Variants in KCNAB2 observed in about 807,000 individuals in gnomAD.
The protein encoded by KCNAB2 is potassium voltage-gated channel subfamily A regulatory beta subunit 2.
KCNAB2 carries 29 observed loss-of-function variants against 63.6 expected under a neutral mutation model. The observed-to-expected ratio is 0.46, with a 90% CI of 0.34 to 0.62. KCNAB2 has a LOEUF of 0.62. Among genes scored for constraint, KCNAB2 ranks in the 20% least tolerant of loss-of-function variants. The probability of loss-of-function intolerance (pLI) is 0.01; values close to 1 mark genes in which losing one functional copy is unlikely to be tolerated. For missense variants in KCNAB2, 359 were observed against 563.9 expected (o/e 0.64, Z 3.68); for synonymous variants, 222 against 224.2 (o/e 0.99, Z 0.09).
chr1:6,058,373 C>T lies in KCNAB2; in HGVS notation c.218+6619C>T, dbSNP rs530752738. On this transcript the variant is annotated intron_variant, in intron 2 of 15. Coordinates refer to ENST00000378083, the MANE Select transcript of KCNAB2 (RefSeq NM_001199862.2). ...AACACCTTGAGCCTGCGGGGACATC[C>T]CTGAGTGTCCTGGGAGGAACCCGGG... Among the ~76,000 whole-genome samples, 3 of 152,338 alleles carry T rather than the reference C, an allele frequency of 2.0e-5. No individual in the cohort carries two copies. In the South Asian group the frequency reaches 6.2e-4, roughly 32 times the overall value.
chr1:6,090,619 AG>A (rs1032776892), intron 9 of KCNAB2, 144 bp downstream of exon 9: 5 of 610,988 alleles, frequency 8.2e-6, no homozygotes, highest in African/African-American at 7.5e-5. Context: ...GTGGGGGGCG[AG>A]GGGGCAGGCC....
intron 1 of KCNAB2, among the ~76,000 whole-genome samples, chr1:6,011,177 GAGGAC>G (rs1658122849): frequency 6.6e-6 from 1 of 151,894 alleles, no homozygotes; most frequent in African/African-American, 2.4e-5. Flanking sequence ...CAGCAGGAGT[GAGGAC>G]AGGAGCTGCC....
chr1:6,052,847 T>C (rs1265950186), intron 2 of KCNAB2, among the ~76,000 whole-genome samples: 1 of 152,156 alleles, frequency 6.6e-6, no homozygotes, highest in Non-Finnish European at 1.5e-5. Context: ...GTCATACTTA[T>C]ACTAAAAAGT....
intron 1 of KCNAB2, among the ~76,000 whole-genome samples, chr1:6,008,446 C>T (rs1012712323): frequency 6.6e-6 from 1 of 152,098 alleles, no homozygotes; most frequent in Non-Finnish European, 1.5e-5. Flanking sequence ...CACGGTGAAA[C>T]CCCGTCTCTA....
At chr1:6,029,529 ACACCCAGAC>A, upstream of KCNAB2, among the ~76,000 whole-genome samples, 1 of 152,316 alleles carries the variant, frequency 6.6e-6, no homozygotes, top group Non-Finnish European at 1.5e-5. Flanking sequence ...CCCAGGAGTC[ACACCCAGAC>A]CTGGGGCCAG....
chr1:6,002,663 T>A (rs1657322220), intron 1 of KCNAB2, among the ~76,000 whole-genome samples: 1 of 152,122 alleles, frequency 6.6e-6, no homozygotes, highest in Non-Finnish European at 1.5e-5. Context: ...CACGTCCCCA[T>A]CAGGTGTTCC....
rs1046941980 is a variant in KCNAB2, at chr1:6,086,583, C to A, written c.426-884C>A. Among the ~76,000 whole-genome samples the A allele has an allele frequency of 6.6e-6, 1 of 152,124 alleles. No homozygotes were observed. Among genetic ancestry groups the A allele is most frequent in the East Asian group, 1.9e-4 (1 of 5,172 alleles). On this transcript the variant is annotated intron_variant, in intron 6 of 15. Transcript: ENST00000378083. The surrounding 1 kb of genome is among the most constrained non-coding windows in gnomAD (Gnocchi z 4.2). ...TGGGGCACCAGGAGGTCATTGTCAC[C>A]CCCTGGGTGGGAAGTACTCCCTCCT...
chr1:6,094,514 C>T, intron 11 of KCNAB2, 29 bp downstream of exon 11: 1 of 1,576,116 alleles, frequency 6.3e-7, no homozygotes, highest in Non-Finnish European at 8.7e-7. Flanking sequence ...ATGTGTGTGT[C>T]CAGGCACAGA....
At chr1:6,093,502 TG>T (rs1665361988) in intron 10 of KCNAB2, among the ~76,000 whole-genome samples, 2 of 152,252 alleles carry the variant, frequency 1.3e-5, no homozygotes. Flanking sequence ...ACTGTGTCGC[TG>T]GGGCGAGGGT....
At chr1:6,014,580 G>A (rs963415042) in intron 1 of KCNAB2, among the ~76,000 whole-genome samples, 1 of 152,220 alleles carries the variant, frequency 6.6e-6, no homozygotes, top group African/African-American at 2.4e-5. Context: ...TCGGCCAGCT[G>A]TCCTCGGCTC....
At chr1:6,021,912 A>C (rs548987537) in intron 1 of KCNAB2, among the ~76,000 whole-genome samples, 2 of 139,988 alleles carry the variant, frequency 1.4e-5, no homozygotes, top group African/African-American at 2.7e-5. Context: ...ATTGAGGGTA[A>C]AGTGCAGTGG....
chr1:6,066,453 C>T (rs972705698), intron 2 of KCNAB2, among the ~76,000 whole-genome samples: 2 of 152,240 alleles, frequency 1.3e-5, no homozygotes, highest in Non-Finnish European at 2.9e-5. Context: ...TGAGAAACAG[C>T]GTGGAGAATC....
intron 4 of KCNAB2, among the ~76,000 whole-genome samples, chr1:6,077,912 C>T (rs1202426070): frequency 2.0e-5 from 3 of 152,232 alleles, no homozygotes; most frequent in Admixed American, 2.0e-4. Flanking sequence ...CCTGTGGCTG[C>T]TGTAACAAAT....
At chr1:6,036,222 G>A (rs1660026698) in intron 1 of KCNAB2, among the ~76,000 whole-genome samples, 1 of 152,224 alleles carries the variant, frequency 6.6e-6, no homozygotes, top group African/African-American at 2.4e-5. Flanking sequence ...GCTTTTTTAG[G>A]CCGAGTGAGG....
intron 2 of KCNAB2, among the ~76,000 whole-genome samples, chr1:6,054,585 G>C (rs1304271587): frequency 6.6e-6 from 1 of 152,180 alleles, no homozygotes; most frequent in Non-Finnish European, 1.5e-5. Context: ...AGCCAAGATG[G>C]AACAAAAGTA....
chr1:6,094,204 G>C (rs1665425299), intron 10 of KCNAB2, among the ~76,000 whole-genome samples, 196 bp from the exon 11 acceptor site: 1 of 152,116 alleles, frequency 6.6e-6, no homozygotes, highest in Non-Finnish European at 1.5e-5. Flanking sequence ...TTCTAGGATT[G>C]TGGTTCACTT....
chr1:6,096,862 G>A lies in KCNAB2; in HGVS notation c.1069+106G>A. ...CATGGGGCCAGTGTCTCCGGGGAGAGAGGGAAGGGATCCCTGGACATCATC... is the reference window on the plus strand; with the variant it reads ...CATGGGGCCAGTGTCTCCGGGGAGAAAGGGAAGGGATCCCTGGACATCATC... On this transcript the variant is annotated intron_variant, in intron 14 of 15. Coordinates refer to ENST00000378083, the MANE Select transcript of KCNAB2 (RefSeq NM_001199862.2). The surrounding 1 kb of genome is among the most constrained non-coding windows in gnomAD (Gnocchi z 5.9). 1.5e-6 allele frequency: 2 copies of A among 1,353,150 alleles called. No homozygotes were observed. Among genetic ancestry groups the A allele is most frequent in the Non-Finnish European group, 2.0e-6 (2 of 1,017,496 alleles). 83.8% of individuals were successfully genotyped at this position (1,353,150 alleles called of 1,614,324 possible).
chr1:6,035,251 C>T lies in KCNAB2; in HGVS notation c.-53+457C>T, dbSNP rs1352178035. ...AGGGGCCAGTGTGTGAGGGGCTCAG[C>T]GGGGGATGTGGCTAGAAAGGTTGTG... On this transcript the variant is annotated intron_variant, in intron 1 of 15. Transcript: ENST00000164247. The surrounding 1 kb of genome is among the most constrained non-coding windows in gnomAD (Gnocchi z 5.0). Among the ~76,000 whole-genome samples the T allele has an allele frequency of 6.6e-6, 1 of 151,990 alleles. No individual in the cohort carries two copies. Among genetic ancestry groups the T allele is most frequent in the Non-Finnish European group, 1.5e-5 (1 of 68,006 alleles).
chr1:6,030,776 ATGTGTGTG>A (rs946734210), upstream of KCNAB2, among the ~76,000 whole-genome samples: 2 of 133,072 alleles, frequency 1.5e-5, no homozygotes, highest in African/African-American at 5.6e-5. Flanking sequence ...GTGTGTAGAT[ATGTGTGTG>A]TATGTGTGTA....
Sources: gnomAD v4.1 joint callset for allele counts (sites outside exome capture counted in the v4.1 genomes callset) on GRCh38, gnomAD v4.1.1 for gene constraint, Gnocchi (gnomAD v3.1) non-coding constraint, MANE v1.5 for transcripts, NCBI Gene and HGNC (gene_info 2026-07-23, HGNC 2026-07-21) for gene names.